Variants in TBX20 observed in about 807,000 individuals in gnomAD.
TBX20 encodes the protein T-box transcription factor TBX20.
Under a neutral mutation model 42.9 loss-of-function variants are expected in TBX20, and 8 were observed. The ratio of observed to expected loss-of-function variants is 0.19; its 90% CI spans 0.11 to 0.34. The LOEUF is 0.34. Ranked by LOEUF, TBX20 falls within the 10% of genes least tolerant of loss-of-function variation. TBX20 has a pLI of 1.00. For missense variants in TBX20, 411 were observed against 566.0 expected (o/e 0.73, Z 2.78); for synonymous variants, 198 against 222.8 (o/e 0.89, Z 0.99).
intron 6 of TBX20, among the ~76,000 whole-genome samples, chr7:35,218,991 T>G (rs1789635908): frequency 6.6e-6 from 1 of 152,208 alleles, no homozygotes; most frequent in South Asian, 2.1e-4. Context: ...TTTTGGACTT[T>G]CCAGCCTCCA....
rs1267512144 is a variant in TBX20, at chr7:35,250,053, G to A, written c.278C>T (p.Pro93Leu). 12 of 1,613,942 alleles carry A rather than the reference G, an allele frequency of 7.4e-6. No individual in the cohort carries two copies. Among genetic ancestry groups the A allele is most frequent in the Non-Finnish European group, 1.0e-5 (12 of 1,179,956 alleles). ...EPLIPTTPII[P>L]SEEMAKIACS... is the part of the protein sequence containing the mutation. ...GGCAATTTTGGCCATTTCCTCACTG[G>A]GGATGATGGGGGTGGTGGGGATCAG... The change falls in exon 2 of 8, where the codon CCC becomes CTC. Residue 93 changes from proline (P) to leucine (L), a missense_variant. Pro to Leu is a moderately conservative substitution (Grantham distance 98, BLOSUM62 -3). Coordinates refer to ENST00000408931, the MANE Select transcript of TBX20 (RefSeq NM_001077653.2).
intron 1 of TBX20, among the ~76,000 whole-genome samples, chr7:35,250,799 T>C (rs1427342033): frequency 1.3e-5 from 2 of 152,228 alleles, no homozygotes; most frequent in Non-Finnish European, 2.9e-5. Context: ...TGACTTTCAG[T>C]TTTCTAGGCT....
intron 3 of TBX20, among the ~76,000 whole-genome samples, chr7:35,246,117 C>T (rs1220929021): frequency 1.3e-5 from 2 of 152,110 alleles, no homozygotes; most frequent in African/African-American, 4.8e-5. Flanking sequence ...GAAATCTGTT[C>T]CATGGTTTGT....
intron 3 of TBX20, among the ~76,000 whole-genome samples, chr7:35,247,010 CT>C (rs1331309970): frequency 6.6e-6 from 1 of 151,846 alleles, no homozygotes; most frequent in Non-Finnish European, 1.5e-5. Flanking sequence ...TTGGTACACA[CT>C]TTTTTTCTCC....
intron 6 of TBX20, among the ~76,000 whole-genome samples, chr7:35,215,337 G>A (rs371511995): frequency 1.3e-5 from 2 of 152,262 alleles, no homozygotes; most frequent in South Asian, 2.1e-4. Flanking sequence ...CCATCTCTTC[G>A]AAGATGTTAC....
At chr7:35,214,717 C>G (rs1789552365) in intron 6 of TBX20, among the ~76,000 whole-genome samples, 1 of 152,124 alleles carries the variant, frequency 6.6e-6, no homozygotes, top group Non-Finnish European at 1.5e-5. Context: ...TGAGCAACCG[C>G]TAATAAAACA....
intron 6 of TBX20, among the ~76,000 whole-genome samples, chr7:35,220,908 G>A (rs999175310): frequency 2.0e-5 from 3 of 152,076 alleles, no homozygotes; most frequent in Middle Eastern, 3.2e-3. Context: ...GCCATGAAAA[G>A]GAAACAATCT....
chr7:35,226,704 C>T (rs1438906106), intron 6 of TBX20, among the ~76,000 whole-genome samples: 3 of 152,132 alleles, frequency 2.0e-5, no homozygotes, highest in East Asian at 1.9e-4. Context: ...CACCTAGTGA[C>T]ATCATAGCCA....
chr7:35,239,751 T>A (rs989312191), intron 5 of TBX20, among the ~76,000 whole-genome samples: 5 of 152,108 alleles, frequency 3.3e-5, no homozygotes, highest in African/African-American at 1.2e-4. Flanking sequence ...GTTTTTTTTT[T>A]TAATTTTATT....
Position 35,204,528 on chromosome 7 carries a change from A to G in TBX20, c.945T>C (p.Arg315=), listed in dbSNP as rs1231499089. The G allele has an allele frequency of 1.2e-6, 2 of 1,614,140 alleles. No homozygotes were observed. Among genetic ancestry groups the G allele is most frequent in the East Asian group, 2.2e-5 (1 of 44,874 alleles). The change falls in exon 7 of 8, where the codon CGT becomes CGC. Residue 315 remains arginine, a synonymous_variant. Coordinates refer to ENST00000408931, the MANE Select transcript of TBX20 (RefSeq NM_001077653.2). ...AGACATCTTCTTCTCCTCCGTAGGT[A>G]CGGATGGGTGAGCGTGCATAGGAAT... ...QKHSYARSPI[R]TYGGEEDVLG...
At chr7:35,214,898 C>T (rs895540921) in intron 6 of TBX20, among the ~76,000 whole-genome samples, 4 of 152,154 alleles carry the variant, frequency 2.6e-5, no homozygotes, top group African/African-American at 9.7e-5. Flanking sequence ...GATTTGCTGT[C>T]CATGGGCCCA....
rs1205975114 is a variant in TBX20 at position 35,202,485 on chromosome 7, T to C, written c.1289A>G (p.Tyr430Cys). The C allele has an allele frequency of 1.2e-6, 2 of 1,607,942 alleles. No individual in the cohort carries two copies. Among genetic ancestry groups the C allele is most frequent in the South Asian group, 2.2e-5 (2 of 89,802 alleles). The change falls in exon 8 of 8, where the codon TAT (tyrosine) becomes TGT (cysteine). Residue 430 changes from tyrosine to cysteine, a missense_variant. By Grantham distance (194) the Tyr-to-Cys change is radical (BLOSUM62 -2). Coordinates refer to ENST00000408931, the MANE Select transcript of TBX20 (RefSeq NM_001077653.2). ...ATGGCGTAGTCCTTGAATGGCAGCA[T>C]AGGGCCCCTGCTGAAAATAGTGATG... Reference protein sequence around the residue: ...RYHHYFQQGPYAAIQGLRHSS... With the variant: ...RYHHYFQQGPCAAIQGLRHSS...
intron 3 of TBX20, among the ~76,000 whole-genome samples, chr7:35,246,029 C>T (rs555664823): frequency 3.3e-5 from 5 of 152,226 alleles, no homozygotes; most frequent in African/African-American, 1.2e-4. Flanking sequence ...TACAATTAAA[C>T]ATAAATATTT....
In TBX20 at chr7:35,244,981, G is replaced by C. The variant is rs202072698; in HGVS notation, c.622C>G (p.Leu208Val). Residue 208 changes from leucine to valine, a missense_variant, in exon 4 of 8, where the codon CTC becomes GTC. Physicochemically the swap from Leu to Val is conservative, Grantham distance 32. Around this residue, in one of 5 missense-constraint regions of TBX20, gnomAD observed 121 missense variants for 165.9 expected, o/e 0.73. Coordinates refer to ENST00000408931, the MANE Select transcript of TBX20 (RefSeq NM_001077653.2). The part of the protein sequence containing the change: ...KQMVSFEKVK[L>V]TNNELDQHGH... The stretch of plus-strand genomic sequence containing the variant: ...TGTTGATCCAGTTCATTGTTGGTGA[G>C]TTTCACCTTTTCAAAAGACACCATC... 1.1e-5 allele frequency: 17 copies of C among 1,613,634 alleles called. No homozygotes were observed. The highest frequency in any genetic ancestry group is 2.5e-6 in the Non-Finnish European group (3 of 1,179,726).
At chr7:35,228,690 A>G (rs1193246163) in intron 6 of TBX20, among the ~76,000 whole-genome samples, 1 of 152,144 alleles carries the variant, frequency 6.6e-6, no homozygotes, top group Non-Finnish European at 1.5e-5. Flanking sequence ...TAAAATGCCA[A>G]CTGAATGACT....
At chr7:35,218,805 T>C (rs1029501285) in intron 6 of TBX20, among the ~76,000 whole-genome samples, 63 of 152,164 alleles carry the variant, frequency 4.1e-4, no homozygotes, top group African/African-American at 1.4e-3. Flanking sequence ...TGTGACAATA[T>C]TGAGAGGTCA....
intron 6 of TBX20, among the ~76,000 whole-genome samples, chr7:35,208,742 CAAAAAAAAAAAAAAAAAAAAA>C (rs766060288): frequency 3.3e-3 from 70 of 21,128 alleles, no homozygotes; most frequent in Admixed American, 5.5e-3. Context: ...AACTCCGTCT[CAAAAAAAAAAAAAAAAAAAAA>C]AAAAAAAAAA....
At chr7:35,242,230 C>T (rs1454750069) in intron 4 of TBX20, among the ~76,000 whole-genome samples, 6 of 152,184 alleles carry the variant, frequency 3.9e-5, no homozygotes, top group African/African-American at 1.4e-4. Context: ...TAATCGCTCG[C>T]TCTCTGTGCT....
chr7:35,230,437 A>G (rs1789847197), intron 6 of TBX20, among the ~76,000 whole-genome samples: 1 of 151,992 alleles, frequency 6.6e-6, no homozygotes. Context: ...CTCAAATCCC[A>G]TAGTTCCTGG....
Sources: allele counts gnomAD v4.1 joint callset (sites outside exome capture counted in the v4.1 genomes callset), GRCh38; gene constraint gnomAD v4.1.1; regional missense constraint gnomAD v4.1.1; transcripts MANE v1.5; gene names NCBI Gene and HGNC (gene_info 2026-07-23, HGNC 2026-07-21).